The following LYPLAL1 variants were observed in gnomAD, a reference collection of about 807,000 sequenced individuals.
LYPLAL1 encodes lysophospholipase-like protein 1.
In LYPLAL1, 23 loss-of-function variants were observed where a neutral mutation model predicts 19.7. The observed-to-expected ratio is 1.17, with a 90% CI of 0.84 to 1.65. The LOEUF (loss-of-function observed/expected upper bound fraction) is 1.65, where lower values mean the gene tolerates loss of function less well. LYPLAL1 is among the 40% of genes most tolerant of loss of function. The pLI, the probability that LYPLAL1 is intolerant of heterozygous loss-of-function variation, is 0.00. For synonymous variants in LYPLAL1, 119 were observed against 96.3 expected, an observed-to-expected ratio of 1.24 and a Z score of -1.38; for missense variants, 355 against 279.4, an observed-to-expected ratio of 1.27 and a Z score of -1.93.
chr1:219,294,971 C>T, the LYPLAL1 span, among the ~76,000 whole-genome samples: 7 of 152,112 alleles, frequency 4.6e-5, no homozygotes, highest in South Asian at 1.2e-3. Flanking sequence ...GGTGAGGCAG[C>T]TTCTTTCAGC....
chr1:219,384,606 T>C, the LYPLAL1 span, among the ~76,000 whole-genome samples: 41,440 of 152,098 alleles, frequency 0.27, 6,281 homozygotes, highest in Admixed American at 0.36. Flanking sequence ...ATTATGATCT[T>C]TGATCAAAAA....
the LYPLAL1 span, among the ~76,000 whole-genome samples, chr1:219,382,180 A>G: frequency 1.3e-5 from 2 of 152,210 alleles, no homozygotes; most frequent in East Asian, 3.9e-4. Flanking sequence ...CCCTCTCTGG[A>G]TGAAGAATCT....
the LYPLAL1 span, among the ~76,000 whole-genome samples, chr1:219,402,029 G>A: frequency 2.0e-5 from 3 of 152,252 alleles, no homozygotes; most frequent in East Asian, 5.8e-4. Flanking sequence ...TAAGAGAAAT[G>A]TACCCACTGG....
At chr1:219,439,972 T>C in the LYPLAL1 span, among the ~76,000 whole-genome samples, 5 of 114,064 alleles carry the variant, frequency 4.4e-5, no homozygotes, top group Middle Eastern at 4.0e-3. Context: ...TATATATATA[T>C]ACATATATAT....
the LYPLAL1 span, among the ~76,000 whole-genome samples, chr1:219,221,704 A>G: frequency 1.2e-4 from 18 of 152,210 alleles, no homozygotes; most frequent in Non-Finnish European, 1.9e-4. Flanking sequence ...CGTTGGCAAC[A>G]TTAGAGTCAC....
the LYPLAL1 span, among the ~76,000 whole-genome samples, chr1:219,261,119 T>C: frequency 6.6e-6 from 1 of 152,146 alleles, no homozygotes; most frequent in Admixed American, 6.6e-5. Context: ...TTAAATATCT[T>C]TTTAGAAAAG....
chr1:219,408,207 G>A, the LYPLAL1 span, among the ~76,000 whole-genome samples: 1 of 152,184 alleles, frequency 6.6e-6, no homozygotes, highest in African/African-American at 2.4e-5. Flanking sequence ...GGCTTTGAAG[G>A]AAAGAATGAG....
At chr1:219,432,753 C>T in the LYPLAL1 span, among the ~76,000 whole-genome samples, 1 of 152,166 alleles carries the variant, frequency 6.6e-6, no homozygotes, top group Admixed American at 6.5e-5. Context: ...AGAATATTTT[C>T]CCTTTTAAAG....
downstream of LYPLAL1, among the ~76,000 whole-genome samples, chr1:219,214,934 C>T (rs939631209): frequency 6.6e-6 from 1 of 152,072 alleles, no homozygotes; most frequent in Non-Finnish European, 1.5e-5. Flanking sequence ...AAGTGATCTA[C>T]CCACCTTGGC....
chr1:219,330,475 T>C, the LYPLAL1 span, among the ~76,000 whole-genome samples: 1 of 152,230 alleles, frequency 6.6e-6, no homozygotes, highest in Non-Finnish European at 1.5e-5. Flanking sequence ...TTAAATCAAA[T>C]TGTGAGCTCT....
chr1:219,196,257 C>T (rs955792644), intron 3 of LYPLAL1, among the ~76,000 whole-genome samples: 3 of 152,106 alleles, frequency 2.0e-5, no homozygotes, highest in Admixed American at 1.3e-4. Context: ...GCCACACTGT[C>T]TTCCACAATC....
the LYPLAL1 span, among the ~76,000 whole-genome samples, chr1:219,233,668 G>A: frequency 6.6e-6 from 1 of 152,002 alleles, no homozygotes; most frequent in Admixed American, 6.6e-5. Flanking sequence ...AGTTTGGGAG[G>A]CTGGGGCAGG....
chr1:219,282,130 C>T, the LYPLAL1 span, among the ~76,000 whole-genome samples: 6 of 152,184 alleles, frequency 3.9e-5, no homozygotes, highest in Admixed American at 1.3e-4. Flanking sequence ...TCATAATGTC[C>T]TCAAAGATAC....
chr1:219,184,807 T>C (rs980949145), intron 2 of LYPLAL1, among the ~76,000 whole-genome samples: 1 of 151,930 alleles, frequency 6.6e-6, no homozygotes, highest in African/African-American at 2.4e-5. Context: ...ATTATCCTTT[T>C]TATATGTATC....
chr1:219,408,626 G>A, the LYPLAL1 span, among the ~76,000 whole-genome samples: 1 of 151,968 alleles, frequency 6.6e-6, no homozygotes, highest in Non-Finnish European at 1.5e-5. Flanking sequence ...CTGGGGGGGT[G>A]GTTCGAGGTG....
intron 1 of LYPLAL1, among the ~76,000 whole-genome samples, chr1:219,176,327 T>C (rs149108565): frequency 3.9e-5 from 6 of 152,316 alleles, no homozygotes; most frequent in Non-Finnish European, 7.4e-5. Context: ...AATTATGTAA[T>C]GTAATGTCTG....
At chr1:219,234,809 T>C in the LYPLAL1 span, among the ~76,000 whole-genome samples, 1 of 152,172 alleles carries the variant, frequency 6.6e-6, no homozygotes, top group South Asian at 2.1e-4. Flanking sequence ...TCATGTTCAC[T>C]CAATCGAGTG....
chr1:219,249,378 A>G, the LYPLAL1 span, among the ~76,000 whole-genome samples: 1 of 152,050 alleles, frequency 6.6e-6, no homozygotes, highest in African/African-American at 2.4e-5. Flanking sequence ...TACTGAATGT[A>G]ATTCACTCCT....
chr1:219,440,339 C>A, the LYPLAL1 span, among the ~76,000 whole-genome samples: 1 of 151,894 alleles, frequency 6.6e-6, no homozygotes. Context: ...TGTCTAAAAA[C>A]AAAGGTCAAC....
Sources: gnomAD v4.1 joint callset for allele counts (sites outside exome capture counted in the v4.1 genomes callset) on GRCh38, gnomAD v4.1.1 for gene constraint, MANE v1.5 for transcripts, NCBI Gene and HGNC (gene_info 2026-07-23, HGNC 2026-07-21) for gene names.